NTRK2: variants seen among roughly 807,000 people sequenced by gnomAD.
The protein encoded by NTRK2 is BDNF/NT-3 growth factors receptor.
Under a neutral mutation model 94.5 loss-of-function variants are expected in NTRK2, and 13 were observed. The observed-to-expected ratio is 0.14, with a 90% CI of 0.09 to 0.22. NTRK2 has a LOEUF of 0.22. Ranked by LOEUF, NTRK2 falls within the 10% of genes least tolerant of loss-of-function variation. NTRK2 has a pLI of 1.00. For missense variants in NTRK2, 639 were observed against 1,071.2 expected, an observed-to-expected ratio of 0.60 and a Z score of 5.63; for synonymous variants, 372 against 407.4, an observed-to-expected ratio of 0.91 and a Z score of 1.05.
chr9:84,860,361 A>G (rs941413302), intron 12 of NTRK2, among the ~76,000 whole-genome samples: 1 of 152,110 alleles, frequency 6.6e-6, no homozygotes, highest in African/African-American at 2.4e-5. Flanking sequence ...ACATGTGCCT[A>G]CTGGACCTTG....
At chr9:84,955,238 GA>G (rs869145888) in intron 16 of NTRK2, 44 bp from the exon 17 acceptor site, 1 of 1,518,274 alleles carries the variant, frequency 6.6e-7, no homozygotes, top group African/African-American at 1.4e-5. Context: ...CCCCTGGAGT[GA>G]AAATGCTGAG....
At chr9:84,773,703 G>A (rs1196376755) in intron 12 of NTRK2, among the ~76,000 whole-genome samples, 1 of 152,124 alleles carries the variant, frequency 6.6e-6, no homozygotes, top group Admixed American at 6.5e-5. Context: ...TTATGCAGAA[G>A]GTTTATGATA....
chr9:84,960,144 G>A (rs886405322), intron 17 of NTRK2, among the ~76,000 whole-genome samples: 2 of 152,140 alleles, frequency 1.3e-5, no homozygotes, highest in African/African-American at 2.4e-5. Context: ...GCAAGGCCAG[G>A]GCAGAACTCT....
At chr9:84,813,356 T>C in intron 12 of NTRK2, 1 of 1,038,630 alleles carries the variant, frequency 9.6e-7, no homozygotes. Context: ...AATGTCCCGA[T>C]TGTTAAAAAG....
At chr9:84,950,591 GT>G (rs5898875) in intron 16 of NTRK2, among the ~76,000 whole-genome samples, 123,224 of 150,898 alleles carry the variant, frequency 0.82, 50,341 homozygotes, top group Non-Finnish European at 0.86. Context: ...GGTCTAATAT[GT>G]TTTTTTTTTT....
At chr9:84,833,195 C>T (rs941352701) in intron 12 of NTRK2, among the ~76,000 whole-genome samples, 1 of 152,042 alleles carries the variant, frequency 6.6e-6, no homozygotes, top group Non-Finnish European at 1.5e-5. Flanking sequence ...GGTCTGACAG[C>T]CATTGTTCTG....
intron 17 of NTRK2, among the ~76,000 whole-genome samples, chr9:84,961,666 T>C (rs1824948974): frequency 6.6e-6 from 1 of 152,186 alleles, no homozygotes; most frequent in African/African-American, 2.4e-5. Flanking sequence ...CTAGATGCAA[T>C]GGTAGATGCA....
intron 12 of NTRK2, among the ~76,000 whole-genome samples, chr9:84,768,499 A>T (rs1247655125): frequency 6.6e-6 from 1 of 152,162 alleles, no homozygotes; most frequent in Non-Finnish European, 1.5e-5. Context: ...GATGGAAAAC[A>T]TCCCCTGACC....
intron 14 of NTRK2, among the ~76,000 whole-genome samples, chr9:84,926,214 C>CTTTCTT (rs2077808550): frequency 8.4e-6 from 1 of 119,602 alleles, no homozygotes; most frequent in Admixed American, 9.5e-5. Flanking sequence ...TTCTTTCTTT[C>CTTTCTT]TTTCTTTCTT....
At chr9:84,831,645 A>G (rs1319371685) in intron 12 of NTRK2, among the ~76,000 whole-genome samples, 12 of 152,218 alleles carry the variant, frequency 7.9e-5, no homozygotes, top group Admixed American at 7.9e-4. Context: ...AGGAGGCTAA[A>G]TGACTTACTC....
At chr9:84,890,606 T>C (rs2132296080) in intron 14 of NTRK2, among the ~76,000 whole-genome samples, 1 of 152,336 alleles carries the variant, frequency 6.6e-6, no homozygotes, top group Admixed American at 6.5e-5. Context: ...GAAAGAAAAG[T>C]AATTAAGGGA....
intron 17 of NTRK2, among the ~76,000 whole-genome samples, chr9:84,989,010 G>T (rs1021459452): frequency 2.0e-5 from 3 of 152,206 alleles, no homozygotes; most frequent in Non-Finnish European, 4.4e-5. Flanking sequence ...CTTGGAGCTG[G>T]AAGAGAAACA....
intron 14 of NTRK2, among the ~76,000 whole-genome samples, chr9:84,902,623 G>A (rs962956063): frequency 9.9e-5 from 15 of 152,124 alleles, no homozygotes; most frequent in African/African-American, 3.6e-4. Context: ...GCAGGCAAAC[G>A]AATCCACAGG....
At chr9:84,884,993 G>A (rs1331153258) in intron 14 of NTRK2, among the ~76,000 whole-genome samples, 1 of 152,168 alleles carries the variant, frequency 6.6e-6, no homozygotes, top group East Asian at 1.9e-4. Context: ...TGTAAAATAT[G>A]TACTGGATAT....
intron 12 of NTRK2, chr9:84,812,933 A>T: frequency 1.9e-6 from 2 of 1,033,132 alleles, no homozygotes; most frequent in Admixed American, 5.7e-5. Flanking sequence ...AAATTATTTC[A>T]TATAGTTCTC....
At chr9:84,789,173 G>A (rs932171114) in intron 12 of NTRK2, among the ~76,000 whole-genome samples, 1 of 152,152 alleles carries the variant, frequency 6.6e-6, no homozygotes, top group African/African-American at 2.4e-5. Context: ...GCACGCAGGG[G>A]GAGAGAAGAA....
intron 10 of NTRK2, among the ~76,000 whole-genome samples, chr9:84,744,381 T>C (rs2063887044): frequency 6.6e-6 from 1 of 152,194 alleles, no homozygotes; most frequent in African/African-American, 2.4e-5. Context: ...CAAAAAAGTT[T>C]ACGTGTGGAC....
chr9:84,792,527 A>G (rs1285928163), intron 12 of NTRK2, among the ~76,000 whole-genome samples: 1 of 152,198 alleles, frequency 6.6e-6, no homozygotes, highest in East Asian at 1.9e-4. Flanking sequence ...TCCTTGTACA[A>G]TAACAACAAG....
chr9:84,713,383 C>A (rs1367215057), intron 6 of NTRK2, among the ~76,000 whole-genome samples: 1 of 152,140 alleles, frequency 6.6e-6, no homozygotes, highest in African/African-American at 2.4e-5. Context: ...GAGATAACCA[C>A]CAATAAGGCA....
Sources: gnomAD v4.1 joint callset for allele counts (sites outside exome capture counted in the v4.1 genomes callset) on GRCh38, gnomAD v4.1.1 for gene constraint, MANE v1.5 for transcripts, NCBI Gene and HGNC (gene_info 2026-07-23, HGNC 2026-07-21) for gene names.